Variants in TTC13 observed in about 807,000 individuals in gnomAD.
The protein encoded by TTC13 is tetratricopeptide repeat protein 13.
Under a neutral mutation model 120.0 loss-of-function variants are expected in TTC13, and 62 were observed. The observed-to-expected ratio is 0.52, with a 90% CI of 0.42 to 0.64. The LOEUF (loss-of-function observed/expected upper bound fraction) is 0.64, where lower values mean the gene tolerates loss of function less well. Ranked by LOEUF, TTC13 falls within the 30% of genes least tolerant of loss-of-function variation. TTC13 has a pLI of 0.00. For missense variants in TTC13, 824 were observed against 1,050.2 expected (o/e 0.78, Z 2.98); for synonymous variants, 384 against 393.5 (o/e 0.98, Z 0.28).
intron 17 of TTC13, among the ~76,000 whole-genome samples, chr1:230,917,667 AG>A: frequency 6.6e-6 from 1 of 152,240 alleles, no homozygotes; most frequent in East Asian, 1.9e-4. Flanking sequence ...TTCAGACAAC[AG>A]TTGGTGATTT....
intron 12 of TTC13, 22 bp from the exon 13 acceptor site, chr1:230,925,669 T>C (rs1248637714): frequency 1.9e-6 from 3 of 1,612,720 alleles, no homozygotes; most frequent in East Asian, 2.2e-5. Flanking sequence ...ATCATGTACA[T>C]GATAAGGACT....
chr1:230,956,956 A>G (rs1364120678), intron 3 of TTC13, among the ~76,000 whole-genome samples: 4 of 152,222 alleles, frequency 2.6e-5, no homozygotes, highest in Admixed American at 2.0e-4. Context: ...TACTGGATAC[A>G]AAAGATCATA....
chr1:230,968,890 G>A (rs1413690175), intron 1 of TTC13, among the ~76,000 whole-genome samples: 1 of 152,214 alleles, frequency 6.6e-6, no homozygotes, highest in East Asian at 1.9e-4. Context: ...AAAGTCCAGA[G>A]AAAGGTAAAT....
At chr1:230,961,378 T>G in intron 1 of TTC13, 75 bp from the exon 2 acceptor site, 1 of 1,126,202 alleles carries the variant, frequency 8.9e-7, no homozygotes, top group Non-Finnish European at 1.3e-6. Context: ...GAATTAGAAT[T>G]TTTAGACTCC....
chr1:230,960,328 ACT>A (rs575386913), intron 2 of TTC13, among the ~76,000 whole-genome samples: 58 of 152,296 alleles, frequency 3.8e-4, no homozygotes, highest in Admixed American at 1.1e-3. Context: ...GACTTTCATA[ACT>A]CTAAGAATCT....
intron 20 of TTC13, 57 bp from the exon 21 acceptor site, chr1:230,909,077 T>A (rs1296457730): frequency 2.8e-6 from 4 of 1,410,426 alleles, no homozygotes; most frequent in Non-Finnish European, 3.9e-6. Flanking sequence ...GTTACCATGT[T>A]AAATTTCACC....
intron 22 of TTC13, chr1:230,908,500 A>T (rs568025599): frequency 7.7e-4 from 441 of 569,648 alleles, no homozygotes; most frequent in Non-Finnish European, 1.2e-3. Flanking sequence ...TTCATAGTCC[A>T]TTTTTATCCA....
At chr1:230,965,981 A>G (rs1034917630) in intron 1 of TTC13, among the ~76,000 whole-genome samples, 7 of 152,198 alleles carry the variant, frequency 4.6e-5, no homozygotes, top group African/African-American at 1.7e-4. Context: ...TAAACTTGGT[A>G]GGATTATATA....
intron 3 of TTC13, 64 bp from the exon 4 acceptor site, chr1:230,954,467 C>G: frequency 1.6e-6 from 2 of 1,275,104 alleles, no homozygotes; most frequent in Non-Finnish European, 2.2e-6. Flanking sequence ...GAATCAATAA[C>G]TAAATGCTTT....
At chr1:230,952,282 A>G (rs1260588308) in intron 4 of TTC13, among the ~76,000 whole-genome samples, 1 of 152,148 alleles carries the variant, frequency 6.6e-6, no homozygotes, top group African/African-American at 2.4e-5. Context: ...TATTATTTCC[A>G]CATCTGCCAT....
Position 230,978,503 on chromosome 1 carries a change from C to A in TTC13, c.271+57G>T. ...GCGACCCGTACCCCGGCCCGGGACC[C>A]CAGCCCCGCTGCCCCGCCGCCCCGG... On this transcript the variant is annotated intron_variant, in intron 1 of 22. Transcript: ENST00000366661. This position sits in a 1 kb window ranked among gnomAD's most constrained non-coding sequence, Gnocchi z 5.6. 1.9e-6 allele frequency: 1 copy of A among 530,884 alleles called. No homozygotes were observed. Among genetic ancestry groups the A allele is most frequent in the Non-Finnish European group, 2.8e-6 (1 of 351,326 alleles). The allele number at this position is 530,884 out of a possible 1,614,324, so 32.9% of individuals were successfully genotyped here.
intron 8 of TTC13, chr1:230,936,305 G>A (rs144887907): frequency 6.9e-5 from 31 of 450,462 alleles, no homozygotes; most frequent in Middle Eastern, 3.3e-4. Flanking sequence ...ATTTTAAGGC[G>A]TTGGGAACAA....
Position 230,951,098 on chromosome 1 carries a change from A to G in TTC13, c.513+3235T>C, listed in dbSNP as rs115156004. 3.1e-3 allele frequency among the ~76,000 whole-genome samples: 468 copies of G among 152,300 alleles called. 1 individual carries two copies. Among genetic ancestry groups the G allele is most frequent in the Middle Eastern group, 0.014 (4 of 294 alleles). ...CCACAGGGAATAAACATTCCAATAA[A>G]CACTTTGAAACACCGAGGATTATGG... is the stretch of plus-strand genomic sequence containing the variant. On this transcript the variant is annotated intron_variant, in intron 4 of 22. Coordinates refer to ENST00000366661, the MANE Select transcript of TTC13 (RefSeq NM_024525.5).
intron 1 of TTC13, among the ~76,000 whole-genome samples, chr1:230,967,945 T>C (rs1400767857): frequency 6.6e-6 from 1 of 152,182 alleles, no homozygotes; most frequent in African/African-American, 2.4e-5. Context: ...CATCACAGAA[T>C]TCTATCTTGT....
chr1:230,915,903 G>GCC lies in TTC13; in HGVS notation c.2093+288_2093+289dup, dbSNP rs57926272. Among the ~76,000 whole-genome samples, 341 of 151,334 alleles carry GCC rather than the reference G, an allele frequency of 2.3e-3. 3 individuals are homozygous for GCC. Among genetic ancestry groups the GCC allele is most frequent in the Non-Finnish European group, 5.9e-4 (40 of 67,888 alleles). ...CATTTTATTAGTAAAAGCCTCCCTC[G>GCC]CCCCCCCAAGGAACTTCAAGAACCC... On this transcript the variant is annotated intron_variant, in intron 18 of 22. Transcript: ENST00000366661.
chr1:230,910,247 A>C (rs1027501479), intron 20 of TTC13, among the ~76,000 whole-genome samples: 8 of 152,146 alleles, frequency 5.3e-5, no homozygotes, highest in Non-Finnish European at 8.8e-5. Context: ...AGGGCTGAAG[A>C]TGAAAGGGGC....
chr1:230,971,142 G>A (rs551195912), intron 1 of TTC13, among the ~76,000 whole-genome samples: 3 of 151,974 alleles, frequency 2.0e-5, no homozygotes, highest in Non-Finnish European at 4.4e-5. Flanking sequence ...TCAGGAGATC[G>A]AGACCATCCT....
rs147311994 is a variant in TTC13 at position 230,934,604 on chromosome 1, A to G, written c.901-743T>C. 1.8e-3 allele frequency among the ~76,000 whole-genome samples: 280 copies of G among 152,334 alleles called. 1 individual carries two copies. Among genetic ancestry groups the G allele is most frequent in the African/African-American group, 6.5e-3 (272 of 41,580 alleles). On this transcript the variant is annotated intron_variant, in intron 8 of 22. Transcript: ENST00000366661. ...ATTAATCAAGTGTACCATTCTATTT[A>G]AGTAGAAACAACCTAGGCTTAAACC...
Position 230,924,827 on chromosome 1 carries a change from G to T in TTC13, c.1721+14C>A. The T allele has an allele frequency of 6.2e-7, 1 of 1,613,952 alleles. No homozygotes were observed. Among genetic ancestry groups the T allele is most frequent in the Non-Finnish European group, 8.5e-7 (1 of 1,179,868 alleles). On this transcript the variant is annotated intron_variant, in intron 14 of 22. Transcript: ENST00000366661. ...ATAAGACTTATAGTTTATTTTCACT[G>T]AGATGTTAGTTACCTTCTCCATTTA...
Sources: gnomAD v4.1 joint callset for allele counts (sites outside exome capture counted in the v4.1 genomes callset) on GRCh38, gnomAD v4.1.1 for gene constraint, Gnocchi (gnomAD v3.1) non-coding constraint, MANE v1.5 for transcripts, NCBI Gene and HGNC (gene_info 2026-07-23, HGNC 2026-07-21) for gene names.